Variants in PDE4B observed in about 807,000 individuals in gnomAD.
The protein encoded by PDE4B is 3',5'-cyclic-AMP phosphodiesterase 4B.
A neutral mutation model predicts 82.2 loss-of-function variants in PDE4B; 20 were observed. That is an observed-to-expected ratio of 0.24 (90% CI 0.17 to 0.35). The LOEUF (loss-of-function observed/expected upper bound fraction) is 0.35. Ranked by LOEUF, PDE4B falls within the 10% of genes least tolerant of loss-of-function variation. The pLI is 1.00. For synonymous variants in PDE4B, 320 were observed against 318.9 expected (o/e 1.00, Z -0.04); for missense variants, 655 against 907.2 (o/e 0.72, Z 3.57).
chr1:66,038,882 T>A (rs1654204660), intron 3 of PDE4B, among the ~76,000 whole-genome samples: 1 of 152,092 alleles, frequency 6.6e-6, no homozygotes, highest in Non-Finnish European at 1.5e-5. Flanking sequence ...ATCTTCTATG[T>A]TTTCTGTTTT....
chr1:66,173,826 C>T (rs1646883104), intron 3 of PDE4B, among the ~76,000 whole-genome samples: 2 of 152,160 alleles, frequency 1.3e-5, no homozygotes. Context: ...TGCTGTGTCA[C>T]CCAGGCTGGA....
At chr1:66,154,286 G>A (rs1383414119) in intron 3 of PDE4B, among the ~76,000 whole-genome samples, 1 of 152,186 alleles carries the variant, frequency 6.6e-6, no homozygotes, top group African/African-American at 2.4e-5. Context: ...TGAACATAGA[G>A]CACAGTGCCA....
chr1:65,829,266 T>A lies in PDE4B; in HGVS notation c.-71+36018T>A, dbSNP rs559757017. Among the ~76,000 whole-genome samples, 238 of 152,288 alleles carry A rather than the reference T, an allele frequency of 1.6e-3. 2 individuals are homozygous for A. Among genetic ancestry groups the A allele is most frequent in the Admixed American group, 8.6e-3 (132 of 15,296 alleles). Reference sequence around the variant, plus strand: ...ATGGAGCAAATTATCCAAGAAGATATAATCCTGAATGTGTATGCTTGTGAT... The same window carrying A: ...ATGGAGCAAATTATCCAAGAAGATAAAATCCTGAATGTGTATGCTTGTGAT... On this transcript the variant is annotated intron_variant, in intron 1 of 16. Transcript: ENST00000341517.
At chr1:65,996,186 C>T (rs1380782173) in intron 3 of PDE4B, among the ~76,000 whole-genome samples, 1 of 152,166 alleles carries the variant, frequency 6.6e-6, no homozygotes, top group Non-Finnish European at 1.5e-5. Context: ...GGCAGGACCA[C>T]AATTACTCCA....
At chr1:65,989,668 T>G (rs1651140638) in intron 3 of PDE4B, among the ~76,000 whole-genome samples, 1 of 152,080 alleles carries the variant, frequency 6.6e-6, no homozygotes, top group Admixed American at 6.6e-5. Flanking sequence ...AACCGGAAGG[T>G]TTTCATTTTA....
At chr1:66,174,824 A>G (rs1386102577) in intron 3 of PDE4B, among the ~76,000 whole-genome samples, 1 of 152,140 alleles carries the variant, frequency 6.6e-6, no homozygotes, top group Non-Finnish European at 1.5e-5. Context: ...TTTATAAAGA[A>G]AAGAGATTTG....
intron 1 of PDE4B, among the ~76,000 whole-genome samples, chr1:65,846,408 C>T (rs1421383121): frequency 2.0e-5 from 3 of 152,152 alleles, no homozygotes; most frequent in Non-Finnish European, 4.4e-5. Context: ...CAAAAATGAA[C>T]ACAGTTGAGA....
chr1:65,894,765 A>G (rs1387646411), intron 1 of PDE4B, among the ~76,000 whole-genome samples: 1 of 152,210 alleles, frequency 6.6e-6, no homozygotes, highest in African/African-American at 2.4e-5. Flanking sequence ...ACATGAAAAG[A>G]TGCTCAACAT....
At chr1:66,306,628 G>A (rs1658297907) in intron 7 of PDE4B, among the ~76,000 whole-genome samples, 1 of 152,092 alleles carries the variant, frequency 6.6e-6, no homozygotes. Flanking sequence ...ATTGTAGGTG[G>A]AGAAGACTTA....
chr1:66,043,730 A>G (rs1291662572), intron 3 of PDE4B, among the ~76,000 whole-genome samples: 12 of 151,772 alleles, frequency 7.9e-5, no homozygotes, highest in Admixed American at 4.6e-4. Flanking sequence ...AAGTGCACAA[A>G]CACTTGGAAC....
At chr1:66,254,036 T>A (rs530754342) in intron 4 of PDE4B, among the ~76,000 whole-genome samples, 1 of 152,326 alleles carries the variant, frequency 6.6e-6, no homozygotes, top group Admixed American at 6.5e-5. Flanking sequence ...CAGCTCAAGG[T>A]ACCACCTATG....
chr1:65,948,255 A>G (rs1648812522), intron 3 of PDE4B, among the ~76,000 whole-genome samples: 1 of 151,734 alleles, frequency 6.6e-6, no homozygotes. Context: ...TGACTTCCAT[A>G]TACCTCTACT....
rs970615377 is a variant in PDE4B, at chr1:66,344,642, G to A, written c.748-10885G>A. 3.3e-5 allele frequency among the ~76,000 whole-genome samples: 5 copies of A among 152,052 alleles called. No homozygotes were observed. In the East Asian group the frequency reaches 7.7e-4, roughly 23 times the overall value. On this transcript the variant is annotated intron_variant, in intron 8 of 16. Coordinates refer to ENST00000341517, the MANE Select transcript of PDE4B (RefSeq NM_002600.4). ...AAATAAACAAAAGTATGAACTCCTT[G>A]GTAGGAGTAGATTCTCTTTGTTTTA...
intron 3 of PDE4B, among the ~76,000 whole-genome samples, chr1:66,170,151 C>A (rs1166760550): frequency 1.3e-5 from 2 of 152,112 alleles, no homozygotes; most frequent in African/African-American, 4.8e-5. Context: ...CAGGATGTTG[C>A]ACATTAGTTC....
rs1557799151 is a variant in PDE4B at position 65,887,268 on chromosome 1, C to CTTCCTTCT, written c.-70-25974_-70-25973insCTTCTTTC. Among the ~76,000 whole-genome samples, 19 of 93,480 alleles carry CTTCCTTCT rather than the reference C, an allele frequency of 2.0e-4. 1 individual carries two copies. Among genetic ancestry groups the CTTCCTTCT allele is most frequent in the South Asian group, 4.8e-4 (1 of 2,070 alleles). The allele number at this position is 93,480 out of a possible 152,430, so 61.3% of individuals were successfully genotyped here. A position where few individuals can be genotyped will look rare whatever the true frequency, so the allele number is the denominator to read the frequency against. On this transcript the variant is annotated intron_variant, in intron 1 of 16. Coordinates refer to ENST00000341517, the MANE Select transcript of PDE4B (RefSeq NM_002600.4). ...TTTCTTTTCTTTCTTTCTTTCCTTC[C>CTTCCTTCT]TTCTTTCTTTCTTTTTCTTTCTCTC...
chr1:66,272,813 G>A (rs1488322444), intron 7 of PDE4B, among the ~76,000 whole-genome samples: 4 of 124,232 alleles, frequency 3.2e-5, no homozygotes, highest in African/African-American at 5.9e-5. Flanking sequence ...TTGGAGGGAC[G>A]GAGTCTCACT....
chr1:66,145,526 A>G (rs1194081257), intron 3 of PDE4B, among the ~76,000 whole-genome samples: 2 of 152,292 alleles, frequency 1.3e-5, no homozygotes, highest in East Asian at 3.9e-4. Flanking sequence ...TGGGCTCCAA[A>G]AGCCAAAACA....
At chr1:65,996,912 A>G (rs750292379) in intron 3 of PDE4B, among the ~76,000 whole-genome samples, 5 of 152,120 alleles carry the variant, frequency 3.3e-5, no homozygotes, top group Admixed American at 6.6e-5. Flanking sequence ...TTTATCCCCA[A>G]TCCCACATCA....
chr1:66,056,022 C>T (rs1227091900), intron 3 of PDE4B, among the ~76,000 whole-genome samples: 2 of 152,120 alleles, frequency 1.3e-5, no homozygotes, highest in Non-Finnish European at 2.9e-5. Context: ...TTATATTTTT[C>T]CCATAATTGA....
Sources: gnomAD v4.1 joint callset for allele counts (sites outside exome capture counted in the v4.1 genomes callset) on GRCh38, gnomAD v4.1.1 for gene constraint, MANE v1.5 for transcripts, NCBI Gene and HGNC (gene_info 2026-07-23, HGNC 2026-07-21) for gene names.